ZFAT: variants seen among roughly 807,000 people sequenced by gnomAD.
The protein encoded by ZFAT is zinc finger protein ZFAT.
Under a neutral mutation model 117.7 loss-of-function variants are expected in ZFAT, and 64 were observed. That is an observed-to-expected ratio of 0.54 (90% CI 0.44 to 0.67). ZFAT has a LOEUF of 0.67. Ranked by LOEUF, ZFAT falls within the 30% of genes least tolerant of loss-of-function variation. The probability of loss-of-function intolerance (pLI) is 0.00; values close to 1 mark genes in which losing one functional copy is unlikely to be tolerated. For missense variants in ZFAT, 1,433 were observed against 1,584.5 expected (o/e 0.90, Z 1.62); for synonymous variants, 679 against 615.0 (o/e 1.10, Z -1.54).
intron 1 of ZFAT, among the ~76,000 whole-genome samples, chr8:134,679,682 C>T (rs1359673695): frequency 1.3e-5 from 2 of 152,130 alleles, no homozygotes. Context: ...GACTTGGAAC[C>T]AACCCAAATG....
Position 134,532,824 on chromosome 8 carries a change from C to G in ZFAT, c.3115+10G>C. 1.9e-6 allele frequency: 3 copies of G among 1,609,070 alleles called. No homozygotes were observed. Among genetic ancestry groups the G allele is most frequent in the South Asian group, 1.1e-5 (1 of 90,046 alleles). ...CGGGCAGGGCCCCAGCTCGCTGGCC[C>G]CTCGCCTACCTTGCTGGATGAGCAC... On this transcript the variant is annotated intron_variant, in intron 12 of 15. Transcript: ENST00000377838.
intron 1 of ZFAT, chr8:134,674,708 C>T (rs889510622): frequency 2.0e-5 from 4 of 197,696 alleles, no homozygotes; most frequent in African/African-American, 4.8e-5. Flanking sequence ...GGAGACACCT[C>T]CCAGTAGGGG....
the ZFAT span, among the ~76,000 whole-genome samples, chr8:134,759,576 T>C: frequency 6.6e-6 from 1 of 150,540 alleles, no homozygotes; most frequent in Non-Finnish European, 1.5e-5. Flanking sequence ...TATATGACCA[T>C]AGGCAAAGAA....
In ZFAT at chr8:134,567,450, ACCATCCATCCATCCAT is replaced by A. The variant is rs35445440; in HGVS notation, c.2888-2045_2888-2030del. Among the ~76,000 whole-genome samples the A allele has an allele frequency of 1.5e-3, 222 of 145,648 alleles. 2 individuals are homozygous for A. In the East Asian group the frequency reaches 0.024, roughly 16 times the overall value. The stretch of plus-strand genomic sequence containing the variant: ...TCCTTGCCTTCATAAAACCCTACCA[ACCATCCATCCATCCAT>A]CCATCCATCCATCCATCCATCCATC... On this transcript the variant is annotated intron_variant, in intron 10 of 15. Transcript: ENST00000377838.
At chr8:134,614,476 T>A (rs1828578247) in intron 3 of ZFAT, among the ~76,000 whole-genome samples, 1 of 152,152 alleles carries the variant, frequency 6.6e-6, no homozygotes, top group African/African-American at 2.4e-5. Context: ...ACCTCCTCCA[T>A]TCTCCTTACA....
chr8:134,779,102 T>C, the ZFAT span, among the ~76,000 whole-genome samples: 1 of 152,198 alleles, frequency 6.6e-6, no homozygotes, highest in Non-Finnish European at 1.5e-5. Context: ...GATAATTAAG[T>C]GTCTGTGCTT....
Position 134,602,798 on chromosome 8 carries a change from G to A in ZFAT, c.921C>T (p.Ala307=). 6.2e-7 allele frequency: 1 copy of A among 1,614,242 alleles called. No homozygotes were observed. Among genetic ancestry groups the A allele is most frequent in the African/African-American group, 1.3e-5 (1 of 75,060 alleles). The part of the protein sequence containing the change: ...KPYKCPQCSY[A]SAIKANLNVH... ...CATTGAGGTTGGCCTTGATGGCACT[G>A]GCATAGCTGCACTGGGGGCACTTGT... Residue 307 remains alanine, a synonymous_variant, in exon 6 of 16, where the codon GCC becomes GCT. Coordinates refer to ENST00000377838, the MANE Select transcript of ZFAT (RefSeq NM_020863.4).
chr8:134,586,939 C>T (rs1826110385), intron 9 of ZFAT, among the ~76,000 whole-genome samples: 1 of 152,214 alleles, frequency 6.6e-6, no homozygotes, highest in Non-Finnish European at 1.5e-5. Flanking sequence ...GTAACAGCAT[C>T]TGCCTTTAAG....
chr8:134,546,015 C>T (rs567763290), intron 11 of ZFAT, among the ~76,000 whole-genome samples: 2 of 152,296 alleles, frequency 1.3e-5, no homozygotes, highest in Admixed American at 6.5e-5. Flanking sequence ...CATTAAATGC[C>T]TAGAATGATA....
chr8:134,556,283 G>A (rs1029404527), intron 11 of ZFAT, among the ~76,000 whole-genome samples: 3 of 151,628 alleles, frequency 2.0e-5, no homozygotes, highest in Non-Finnish European at 2.9e-5. Flanking sequence ...GAATTAAAGG[G>A]AGAGAGAGAG....
chr8:134,480,968 C>T (rs183778944), intron 15 of ZFAT, among the ~76,000 whole-genome samples: 4 of 152,164 alleles, frequency 2.6e-5, no homozygotes, highest in Non-Finnish European at 5.9e-5. Context: ...TCCGGAGGTT[C>T]CAAAATTATG....
At chr8:134,761,602 A>T in the ZFAT span, among the ~76,000 whole-genome samples, 1 of 152,054 alleles carries the variant, frequency 6.6e-6, no homozygotes, top group Non-Finnish European at 1.5e-5. Context: ...TGGGAGGCTG[A>T]GGCAGGAGAA....
At chr8:134,635,973 T>C (rs901342688) in intron 3 of ZFAT, among the ~76,000 whole-genome samples, 1 of 152,218 alleles carries the variant, frequency 6.6e-6, no homozygotes, top group Non-Finnish European at 1.5e-5. Context: ...GTTATTTTCA[T>C]GAGCCCGTGC....
rs749410236 is a variant in ZFAT at position 134,602,857 on chromosome 8, C to A, written c.862G>T (p.Ala288Ser). The A allele has an allele frequency of 6.8e-6, 11 of 1,613,902 alleles. No individual in the cohort carries two copies. Among genetic ancestry groups the A allele is most frequent in the Non-Finnish European group, 9.3e-6 (11 of 1,180,012 alleles). Reference sequence around the variant, plus strand: ...TCATTGGTGTGGATCCTCAGGTGGGCCTGCAGCGAGTGCTTGAACTTGAAG... The same window carrying A: ...TCATTGGTGTGGATCCTCAGGTGGGACTGCAGCGAGTGCTTGAACTTGAAG... ...KVFKFKHSLQAHLRIHTNEKP... is the reference protein window; with the variant it reads ...KVFKFKHSLQSHLRIHTNEKP... The change falls in exon 6 of 16, where the codon GCC (alanine) becomes TCC (serine). Residue 288 changes from alanine (A) to serine (S), a missense_variant. Around this residue, in one of 5 missense-constraint regions of ZFAT, gnomAD observed 436 missense variants for 482.0 expected, o/e 0.90. Transcript: ENST00000377838.
intron 4 of ZFAT, 62 bp downstream of exon 4, chr8:134,610,408 G>A: frequency 6.6e-7 from 1 of 1,517,218 alleles, no homozygotes; most frequent in Non-Finnish European, 8.9e-7. Flanking sequence ...GTGACATCAG[G>A]CTGCCCTTGG....
At chr8:134,687,642 G>A (rs2131318231) in intron 1 of ZFAT, among the ~76,000 whole-genome samples, 1 of 152,132 alleles carries the variant, frequency 6.6e-6, no homozygotes, top group East Asian at 1.9e-4. Context: ...TGCAGACCCT[G>A]GACACGACAG....
In ZFAT at chr8:134,478,185, A is replaced by T; in HGVS notation, c.*297T>A. 2.6e-6 allele frequency: 1 copy of T among 386,194 alleles called. No individual in the cohort carries two copies. The highest frequency in any genetic ancestry group is 3.9e-5 in the Admixed American group (1 of 25,588). The allele number at this position is 386,194 out of a possible 1,614,324, so 23.9% of individuals were successfully genotyped here. A position where few individuals can be genotyped will look rare whatever the true frequency, so the allele number is the denominator to read the frequency against. On this transcript the variant is annotated 3_prime_UTR_variant, in exon 16 of 16. Transcript: ENST00000377838. The surrounding 1 kb of genome is among the most constrained non-coding windows in gnomAD (Gnocchi z 5.2). ...GGAGTCTCTGTTTGAATCTTGAAGC[A>T]AGGGGTGAAGGTGTGGGGTGTGTGT...
the ZFAT span, among the ~76,000 whole-genome samples, chr8:134,725,848 G>T: frequency 6.6e-6 from 1 of 152,134 alleles, no homozygotes; most frequent in Non-Finnish European, 1.5e-5. Flanking sequence ...GTGAAGCCAG[G>T]CTGGGTTGGG....
At chr8:134,819,104 G>A in the ZFAT span, among the ~76,000 whole-genome samples, 237 of 152,138 alleles carry the variant, frequency 1.6e-3, no homozygotes, top group Non-Finnish European at 2.4e-3. Context: ...GAGACTTGCC[G>A]AAAGTGTTAA....
Sources: allele counts gnomAD v4.1 joint callset (sites outside exome capture counted in the v4.1 genomes callset), GRCh38; gene constraint gnomAD v4.1.1; regional missense constraint gnomAD v4.1.1; non-coding constraint Gnocchi (gnomAD v3.1); transcripts MANE v1.5; gene names NCBI Gene and HGNC (gene_info 2026-07-23, HGNC 2026-07-21).